Variants in COPG2 observed in about 807,000 individuals in gnomAD.
The protein encoded by COPG2 is coat protein complex I subunit gamma 2.
COPG2 carries 37 observed loss-of-function variants against 46.3 expected under a neutral mutation model. The observed-to-expected ratio is 0.80, with a 90% CI of 0.61 to 1.05. The LOEUF (loss-of-function observed/expected upper bound fraction) is 1.05. COPG2 is among the 50% of genes least tolerant of loss of function. The pLI is 0.00. For missense variants in COPG2, 427 were observed against 387.8 expected (o/e 1.10, Z -0.85); for synonymous variants, 159 against 129.7 (o/e 1.23, Z -1.53).
In COPG2 at chr7:130,652,885, T is replaced by C. The variant is rs782649668; in HGVS notation, c.307A>G (p.Ile103Val). The change falls in exon 5 of 24, where the codon ATA (isoleucine) becomes GTA (valine). Residue 103 changes from isoleucine to valine, a missense_variant. Physicochemically the swap from Ile to Val is conservative, Grantham distance 29. Coordinates refer to ENST00000425248, the MANE Select transcript of COPG2 (RefSeq NM_012133.6). ...KEMATISEDV[I>V]IVTSSLTKDM... ...TTTACATACCTGCTTGTGACAATTA[T>C]CACATCCTCAGAGATGGTAGCCATT... is the stretch of plus-strand genomic sequence containing the variant. 2 of 1,603,746 alleles carry C rather than the reference T, an allele frequency of 1.2e-6. No homozygotes were observed. Among genetic ancestry groups the C allele is most frequent in the South Asian group, 1.1e-5 (1 of 89,404 alleles).
At chr7:130,564,938 A>G (rs1295719518) in intron 9 of COPG2, among the ~76,000 whole-genome samples, 7 of 152,202 alleles carry the variant, frequency 4.6e-5, no homozygotes, top group Non-Finnish European at 7.3e-5. Context: ...AGTTTGTCCA[A>G]AAAAATCAGT....
intron 5 of COPG2, among the ~76,000 whole-genome samples, chr7:130,629,463 C>T (rs574895774): frequency 1.3e-5 from 2 of 148,978 alleles, no homozygotes; most frequent in South Asian, 2.1e-4. Context: ...GGTGTGATCT[C>T]GGCTCACTGC....
intron 12 of COPG2, among the ~76,000 whole-genome samples, chr7:130,557,167 T>C (rs1340258570): frequency 3.9e-5 from 6 of 152,044 alleles, no homozygotes; most frequent in Non-Finnish European, 7.4e-5. Flanking sequence ...TAGCAGGATA[T>C]AAAATTAACA....
intron 5 of COPG2, among the ~76,000 whole-genome samples, chr7:130,625,818 TTTC>T (rs2116532142): frequency 6.6e-6 from 1 of 152,266 alleles, no homozygotes; most frequent in African/African-American, 2.4e-5. Context: ...TATCATATGC[TTTC>T]TTTTGAATTA....
intron 9 of COPG2, among the ~76,000 whole-genome samples, chr7:130,586,721 C>A (rs1794279034): frequency 6.6e-6 from 1 of 151,952 alleles, no homozygotes; most frequent in Admixed American, 6.6e-5. Context: ...CTCGGCCTCC[C>A]AAAGTGCTGG....
intron 4 of COPG2, among the ~76,000 whole-genome samples, chr7:130,653,428 A>G (rs2116240492): frequency 6.6e-6 from 1 of 152,264 alleles, no homozygotes; most frequent in South Asian, 2.1e-4. Flanking sequence ...TAATTTTTGT[A>G]TTTTTAGTAG....
chr7:130,643,827 G>T (rs1181699653), intron 5 of COPG2, among the ~76,000 whole-genome samples: 1 of 152,130 alleles, frequency 6.6e-6, no homozygotes, highest in Non-Finnish European at 1.5e-5. Context: ...AAATTAACTG[G>T]AGGCGGTGAT....
chr7:130,564,405 T>C lies in COPG2; in HGVS notation c.738-12A>G. The C allele has an allele frequency of 2.5e-6, 1 of 398,504 alleles. No homozygotes were observed. Among genetic ancestry groups the C allele is most frequent in the Non-Finnish European group, 4.4e-6 (1 of 226,028 alleles). The allele number at this position is 398,504 out of a possible 1,614,324, so 24.7% of individuals were successfully genotyped here. A position where few individuals can be genotyped will look rare whatever the true frequency, so the allele number is the denominator to read the frequency against. ...GTGGACTTTCATGGCTGCCAATAAA[T>C]ATTTATAGGCCATTATTTAGATATC... On this transcript the variant is annotated splice_polypyrimidine_tract_variant and intron_variant, in intron 9 of 23. Transcript: ENST00000425248.
At chr7:130,627,774 TGGGGGGTGTGGTTCGGGGGGC>T (rs1795143892) in intron 5 of COPG2, among the ~76,000 whole-genome samples, 1 of 10,174 alleles carries the variant, frequency 9.8e-5, no homozygotes, top group Admixed American at 1.1e-3. Context: ...ATGCGGGGGG[TGGGGGGTGTGGTTCGGGGGGC>T]GGGGTGCGGT....
chr7:130,596,975 CAGA>C (rs1243504379), intron 9 of COPG2, among the ~76,000 whole-genome samples: 21 of 152,168 alleles, frequency 1.4e-4, no homozygotes, highest in African/African-American at 1.9e-4. Flanking sequence ...TTGTAAACAT[CAGA>C]AGAAGTGGAC....
chr7:130,533,582 G>T (rs1179065511), intron 20 of COPG2, among the ~76,000 whole-genome samples: 2 of 152,116 alleles, frequency 1.3e-5, no homozygotes, highest in Non-Finnish European at 2.9e-5. Context: ...GGAAACCAGT[G>T]TCTCCCTAGT....
At chr7:130,639,330 T>C (rs1373229736) in intron 5 of COPG2, among the ~76,000 whole-genome samples, 1 of 152,258 alleles carries the variant, frequency 6.6e-6, no homozygotes, top group Non-Finnish European at 1.5e-5. Flanking sequence ...TCTGCCTTTA[T>C]AGTACATGGT....
chr7:130,508,459 CTTAAGT>C, intron 21 of COPG2, 97 bp downstream of exon 21: 1 of 646,202 alleles, frequency 1.5e-6, no homozygotes, highest in Non-Finnish European at 2.8e-6. Flanking sequence ...ATAGAAATCC[CTTAAGT>C]TTATGTCAGA....
rs1482245649 is a variant in COPG2, at chr7:130,668,572, G to C, written c.37+60C>G. 3.5e-6 allele frequency: 5 copies of C among 1,447,752 alleles called. No homozygotes were observed. The African/African-American group carries it at 5.9e-5, about 17-fold the overall frequency. 89.7% of individuals were successfully genotyped at this position (1,447,752 alleles called of 1,614,324 possible). On this transcript the variant is annotated intron_variant, in intron 1 of 23. Coordinates refer to ENST00000425248, the MANE Select transcript of COPG2 (RefSeq NM_012133.6). ...CCCCGCCGGCCTGAAAGCAGGTGGCGGCGGGCGGGGGAAGGGGCGTCCCGC... is the reference window on the plus strand; with the variant it reads ...CCCCGCCGGCCTGAAAGCAGGTGGCCGCGGGCGGGGGAAGGGGCGTCCCGC...
chr7:130,599,747 T>G (rs868945126), intron 9 of COPG2, among the ~76,000 whole-genome samples: 3 of 152,134 alleles, frequency 2.0e-5, no homozygotes, highest in Non-Finnish European at 2.9e-5. Flanking sequence ...CAGGAAAAAT[T>G]TGATATGAAA....
intron 5 of COPG2, among the ~76,000 whole-genome samples, chr7:130,642,595 T>C (rs1412892748): frequency 6.6e-6 from 1 of 152,252 alleles, no homozygotes; most frequent in African/African-American, 2.4e-5. Flanking sequence ...CTTTTATTGC[T>C]GAGTAATAGT....
chr7:130,563,366 A>G, intron 10 of COPG2, 30 bp from the exon 11 acceptor site: 1 of 396,862 alleles, frequency 2.5e-6, no homozygotes, highest in Non-Finnish European at 4.4e-6. Flanking sequence ...ATAATATGTA[A>G]CATTAAGTAA....
rs903134015 is a variant in COPG2, at chr7:130,525,864, G to A, written c.2150-17205C>T. ...AGAGGAAAACAGGAGGAAAAGCAGAGGAGGACAGAGAGTGGGACCTATGTA... is the reference window on the plus strand; with the variant it reads ...AGAGGAAAACAGGAGGAAAAGCAGAAGAGGACAGAGAGTGGGACCTATGTA... On this transcript the variant is annotated intron_variant, in intron 20 of 23. Transcript: ENST00000425248. Among the ~76,000 whole-genome samples the A allele has an allele frequency of 6.2e-4, 95 of 152,088 alleles. 1 individual carries two copies. The highest frequency in any genetic ancestry group is 2.2e-3 in the African/African-American group (90 of 41,440).
chr7:130,579,207 G>T (rs1197217506), intron 9 of COPG2, among the ~76,000 whole-genome samples: 1 of 135,930 alleles, frequency 7.4e-6, no homozygotes. Context: ...CATTCTTAAA[G>T]AAAAGAATTT....
Sources: allele counts gnomAD v4.1 joint callset (sites outside exome capture counted in the v4.1 genomes callset), GRCh38; gene constraint gnomAD v4.1.1; transcripts MANE v1.5; gene names NCBI Gene and HGNC (gene_info 2026-07-23, HGNC 2026-07-21).